The following ZNF354C variants were observed in gnomAD, a reference collection of about 807,000 sequenced individuals.
ZNF354C encodes the protein zinc finger protein 354C.
In ZNF354C, 7 loss-of-function variants were observed where a neutral mutation model predicts 12.4. The observed-to-expected ratio is 0.56, with a 90% CI of 0.32 to 1.06. The LOEUF (loss-of-function observed/expected upper bound fraction) is 1.06, where lower values mean the gene tolerates loss of function less well. Ranked by LOEUF, ZNF354C falls within the 50% of genes least tolerant of loss-of-function variation. ZNF354C has a pLI of 0.04. For missense variants in ZNF354C, 609 were observed against 658.0 expected, an observed-to-expected ratio of 0.93 and a Z score of 0.81; for synonymous variants, 202 against 224.5, an observed-to-expected ratio of 0.90 and a Z score of 0.90.
At position 179,080,240 on chromosome 5, in the gene ZNF354C, T is replaced by A; in HGVS notation, c.*143T>A. 1.7e-6 allele frequency: 1 copy of A among 574,472 alleles called. No homozygotes were observed. Among genetic ancestry groups the A allele is most frequent in the South Asian group, 3.2e-5 (1 of 31,164 alleles). The allele number at this position is 574,472 out of a possible 1,614,324, so 35.6% of individuals were successfully genotyped here. A position where few individuals can be genotyped will look rare whatever the true frequency, so the allele number is the denominator to read the frequency against. ...ACTAAGTCATGATAAAATTGATCAG[T>A]GAGACTATGAAGAGCACTGACTTGT... is the stretch of plus-strand genomic sequence containing the variant. On this transcript the variant is annotated 3_prime_UTR_variant, in exon 5 of 5. Coordinates refer to ENST00000315475, the MANE Select transcript of ZNF354C (RefSeq NM_014594.3).
intron 1 of ZNF354C, 108 bp from the exon 2 acceptor site, chr5:179,061,907 G>A (rs906782643): frequency 1.3e-6 from 1 of 758,844 alleles, no homozygotes. Context: ...CATCATTACG[G>A]GGGGTGGCTT....
Position 179,081,578 on chromosome 5 carries a change from T to C in ZNF354C, c.*1481T>C, listed in dbSNP as rs1290817700. ...CAGTATAGTATATTTCTTAACCGAC[T>C]GGTTTTAGCTTATCAGAAAGTAATT... On this transcript the variant is annotated 3_prime_UTR_variant, in exon 5 of 5. Coordinates refer to ENST00000315475, the MANE Select transcript of ZNF354C (RefSeq NM_014594.3). The C allele has an allele frequency of 5.9e-5, 9 of 152,340 alleles. No homozygotes were observed. The highest frequency in any genetic ancestry group is 1.0e-4 in the Non-Finnish European group (7 of 68,032). 9.4% of individuals were successfully genotyped at this position (152,340 alleles called of 1,614,324 possible). A position where few individuals can be genotyped will look rare whatever the true frequency, so the allele number is the denominator to read the frequency against.
chr5:179,064,280 C>T (rs888195954), intron 2 of ZNF354C, among the ~76,000 whole-genome samples: 13 of 152,142 alleles, frequency 8.5e-5, no homozygotes, highest in East Asian at 7.7e-4. Context: ...TTTGCTCTGT[C>T]GCCCAGGCTG....
intron 2 of ZNF354C, among the ~76,000 whole-genome samples, chr5:179,074,315 A>C: frequency 7.0e-6 from 1 of 142,996 alleles, no homozygotes. Context: ...TTTAGTAGAG[A>C]CAGGGTTTCA....
rs1762177122 is a variant in ZNF354C at position 179,079,104 on chromosome 5, C to T, written c.672C>T (p.Ser224=). ...ACATCTGTAATGAATGTGGGAAGAG[C>T]TTCAAGCAGAATCTGCATCTTATTG... ...KPHICNECGK[S]FKQNLHLIEH... Residue 224 remains serine (S), a synonymous_variant, in exon 5 of 5, where the codon AGC becomes AGT. Transcript: ENST00000315475. The surrounding 1 kb of genome is among the most constrained non-coding windows in gnomAD (Gnocchi z 4.2). 1 of 1,613,904 alleles carries T rather than the reference C, an allele frequency of 6.2e-7. No homozygotes were observed.
chr5:179,065,714 C>G lies in ZNF354C; in HGVS notation c.27+3619C>G, dbSNP rs549018570. ...ACAGGCAGGAGCCCCCATGCCCGGCCCTGATTAGGTATTCTGTAGAATGCC... is the reference window on the plus strand; with the variant it reads ...ACAGGCAGGAGCCCCCATGCCCGGCGCTGATTAGGTATTCTGTAGAATGCC... On this transcript the variant is annotated intron_variant, in intron 2 of 4. Coordinates refer to ENST00000315475, the MANE Select transcript of ZNF354C (RefSeq NM_014594.3). 1.2e-4 allele frequency among the ~76,000 whole-genome samples: 19 copies of G among 152,188 alleles called. 1 individual carries two copies. In the East Asian group the frequency reaches 3.7e-3, roughly 29 times the overall value.
chr5:179,079,701 G>A lies in ZNF354C; in HGVS notation c.1269G>A (p.Gln423=). The A allele has an allele frequency of 6.2e-7, 1 of 1,614,156 alleles. No individual in the cohort carries two copies. The highest frequency in any genetic ancestry group is 1.3e-5 in the African/African-American group (1 of 75,044). The change falls in exon 5 of 5, where the codon CAG becomes CAA. Residue 423 remains glutamine (Q), a synonymous_variant. Transcript: ENST00000315475. The surrounding 1 kb of genome is among the most constrained non-coding windows in gnomAD (Gnocchi z 4.2). ...QCNECEKAFN[Q]YSSFNEHRKI... is the part of the protein sequence containing the mutation. Reference sequence around the variant, plus strand: ...ACGAATGTGAGAAAGCCTTCAACCAGTATTCATCCTTTAATGAACATCGGA... The same window carrying A: ...ACGAATGTGAGAAAGCCTTCAACCAATATTCATCCTTTAATGAACATCGGA...
At position 179,081,553 on chromosome 5, in the gene ZNF354C, CAGT is replaced by C. The variant is rs1762226571; in HGVS notation, c.*1458_*1460del. ...AATGTTAGAATTAAACTCAAGCAGT[CAGT>C]ATAGTATATTTCTTAACCGACTGGT... On this transcript the variant is annotated 3_prime_UTR_variant, in exon 5 of 5. Transcript: ENST00000315475. 1 of 151,950 alleles carries C rather than the reference CAGT, an allele frequency of 6.6e-6. No individual in the cohort carries two copies. Among genetic ancestry groups the C allele is most frequent in the Non-Finnish European group, 1.5e-5 (1 of 68,012 alleles). The allele number at this position is 151,950 out of a possible 1,614,324, so 9.4% of individuals were successfully genotyped here. A position where few individuals can be genotyped will look rare whatever the true frequency, so the allele number is the denominator to read the frequency against.
chr5:179,078,921 T>G lies in ZNF354C; in HGVS notation c.489T>G (p.Leu163=), dbSNP rs1423825298. ...GTGAAGATGGAAACCATACAAGTCT[T>G]GAATTGGGGAAAAGCTTATTTACAA... The part of the protein sequence containing the change: ...TISEDGNHTS[L]ELGKSLFTNT... Residue 163 remains leucine (L), a synonymous_variant, in exon 5 of 5, where the codon CTT becomes CTG. Coordinates refer to ENST00000315475, the MANE Select transcript of ZNF354C (RefSeq NM_014594.3). The G allele has an allele frequency of 6.2e-7, 1 of 1,614,056 alleles. No homozygotes were observed. The highest frequency in any genetic ancestry group is 8.5e-7 in the Non-Finnish European group (1 of 1,179,990).
chr5:179,069,722 C>T (rs1221481326), intron 2 of ZNF354C, among the ~76,000 whole-genome samples: 6 of 150,638 alleles, frequency 4.0e-5, no homozygotes, highest in South Asian at 4.2e-4. Context: ...AAAAATTAGC[C>T]GGGCGCGGTG....
At position 179,080,653 on chromosome 5, in the gene ZNF354C, CATGT is replaced by C. The variant is rs1349713011; in HGVS notation, c.*557_*560del. The C allele has an allele frequency of 3.9e-5, 6 of 152,128 alleles. No individual in the cohort carries two copies. Among genetic ancestry groups the C allele is most frequent in the Middle Eastern group, 3.2e-3 (1 of 314 alleles). The allele number at this position is 152,128 out of a possible 1,614,324, so 9.4% of individuals were successfully genotyped here. A position where few individuals can be genotyped will look rare whatever the true frequency, so the allele number is the denominator to read the frequency against. On this transcript the variant is annotated 3_prime_UTR_variant, in exon 5 of 5. Transcript: ENST00000315475. ...GTAAACATACATATATACACATATG[CATGT>C]GTGTGTGTAAACATAAAAGTCCTTT...
At chr5:179,069,879 C>CA (rs768397342) in intron 2 of ZNF354C, among the ~76,000 whole-genome samples, 31 of 151,924 alleles carry the variant, frequency 2.0e-4, no homozygotes, top group Non-Finnish European at 3.5e-4. Flanking sequence ...AACAAACAAA[C>CA]AAAAAAAACC....
rs1277440299 is a variant in ZNF354C at position 179,083,728 on chromosome 5, G to C, written c.*3631G>C. On this transcript the variant is annotated 3_prime_UTR_variant, in exon 5 of 5. Coordinates refer to ENST00000315475, the MANE Select transcript of ZNF354C (RefSeq NM_014594.3). Reference sequence around the variant, plus strand: ...AATGTAACTAAGGCATGGAGCAGCTGTCTGGGGACCCTCAAAAGTAATGAT... The same window carrying C: ...AATGTAACTAAGGCATGGAGCAGCTCTCTGGGGACCCTCAAAAGTAATGAT... 6.6e-6 allele frequency among the ~76,000 whole-genome samples: 1 copy of C among 152,192 alleles called. No homozygotes were observed. The highest frequency in any genetic ancestry group is 6.5e-5 in the Admixed American group (1 of 15,278).
rs1045970857 is a variant in ZNF354C, at chr5:179,080,187, T to A, written c.*90T>A. The A allele has an allele frequency of 6.0e-6, 6 of 1,004,140 alleles. No individual in the cohort carries two copies. Among genetic ancestry groups the A allele is most frequent in the Non-Finnish European group, 7.2e-6 (5 of 697,234 alleles). 62.2% of individuals were successfully genotyped at this position (1,004,140 alleles called of 1,614,324 possible). A position where few individuals can be genotyped will look rare whatever the true frequency, so the allele number is the denominator to read the frequency against. ...CTCCTAATAGATTTGTCTTTTTTAC[T>A]TCTCCTGAAGGAAATATGTTAGTTG... On this transcript the variant is annotated 3_prime_UTR_variant, in exon 5 of 5. Transcript: ENST00000315475.
Position 179,082,755 on chromosome 5 carries a change from G to T in ZNF354C, c.*2658G>T. 7.1e-7 allele frequency: 1 copy of T among 1,412,196 alleles called. No homozygotes were observed. The highest frequency in any genetic ancestry group is 1.0e-6 in the Non-Finnish European group (1 of 998,034). The allele number at this position is 1,412,196 out of a possible 1,614,324, so 87.5% of individuals were successfully genotyped here. ...ATCTGGTCCCCTTGGCTGACGAAGAGCCATTAGGCGAGGATCACTGGCATC... is the reference window on the plus strand; with the variant it reads ...ATCTGGTCCCCTTGGCTGACGAAGATCCATTAGGCGAGGATCACTGGCATC... On this transcript the variant is annotated 3_prime_UTR_variant, in exon 5 of 5. Transcript: ENST00000315475.
In ZNF354C at chr5:179,083,917, GT is replaced by G. The variant is rs1762260571; in HGVS notation, c.*3822del. On this transcript the variant is annotated 3_prime_UTR_variant, in exon 5 of 5. Transcript: ENST00000315475. Reference sequence around the variant, plus strand: ...GCAGAGGATTTGTGAGCCAAAAAGGGTTAGGAGACTCCCCATTGCTTTTCTT... The same window carrying G: ...GCAGAGGATTTGTGAGCCAAAAAGGGTAGGAGACTCCCCATTGCTTTTCTT... Among the ~76,000 whole-genome samples the G allele has an allele frequency of 6.9e-6, 1 of 145,834 alleles. No individual in the cohort carries two copies. Among genetic ancestry groups the G allele is most frequent in the Non-Finnish European group, 1.5e-5 (1 of 66,826 alleles).
At chr5:179,070,655 C>A (rs1762034981) in intron 2 of ZNF354C, among the ~76,000 whole-genome samples, 1 of 152,106 alleles carries the variant, frequency 6.6e-6, no homozygotes, top group South Asian at 2.1e-4. Context: ...AAACAAACTT[C>A]ACATTTCTTA....
intron 2 of ZNF354C, among the ~76,000 whole-genome samples, chr5:179,070,841 CTTTT>C (rs766817856): frequency 1.3e-5 from 1 of 75,460 alleles, no homozygotes; most frequent in Non-Finnish European, 2.3e-5. Context: ...CTTGATCGCT[CTTTT>C]TTTTTTTTTT....
rs1404746576 is a variant in ZNF354C at position 179,080,681 on chromosome 5, T to C, written c.*584T>C. ...GTGTGTGTGTAAACATAAAAGTCCT[T>C]TATTATTAAAAAATGTAGTTTTATT... On this transcript the variant is annotated 3_prime_UTR_variant, in exon 5 of 5. Coordinates refer to ENST00000315475, the MANE Select transcript of ZNF354C (RefSeq NM_014594.3). 2.0e-5 allele frequency: 3 copies of C among 152,190 alleles called. No individual in the cohort carries two copies. Among genetic ancestry groups the C allele is most frequent in the African/African-American group, 7.2e-5 (3 of 41,444 alleles). 9.4% of individuals were successfully genotyped at this position (152,190 alleles called of 1,614,324 possible).
Sources: allele counts gnomAD v4.1 joint callset (sites outside exome capture counted in the v4.1 genomes callset), GRCh38; gene constraint gnomAD v4.1.1; non-coding constraint Gnocchi (gnomAD v3.1); transcripts MANE v1.5; gene names NCBI Gene and HGNC (gene_info 2026-07-23, HGNC 2026-07-21).